Variants in PDSS2 observed in about 807,000 individuals in gnomAD.
PDSS2 encodes the protein decaprenyl diphosphate synthase subunit 2.
In PDSS2, 31 loss-of-function variants were observed where a neutral mutation model predicts 44.5. That is an observed-to-expected ratio of 0.70 (90% confidence interval 0.52 to 0.94). PDSS2 has a LOEUF of 0.94. PDSS2 is among the 40% of genes least tolerant of loss of function. PDSS2 has a pLI of 0.00. For missense variants in PDSS2, 452 were observed against 482.2 expected (o/e 0.94, Z 0.59); for synonymous variants, 157 against 180.3 (o/e 0.87, Z 1.03).
At chr6:107,384,675 A>C (rs761016914) in intron 1 of PDSS2, among the ~76,000 whole-genome samples, 51 of 151,842 alleles carry the variant, frequency 3.4e-4, no homozygotes, top group African/African-American at 7.2e-4. Context: ...AACAAAAAAA[A>C]CCCACTAAAC....
At chr6:107,245,418 C>CAAAA (rs35614951) in intron 4 of PDSS2, 130 bp downstream of exon 4, 6 of 120,342 alleles carry the variant, frequency 5.0e-5, no homozygotes, top group African/African-American at 2.2e-4. Flanking sequence ...AAACACTAAT[C>CAAAA]AAAAAAAAAA....
At chr6:107,280,217 GT>G (rs1255357765) in intron 2 of PDSS2, among the ~76,000 whole-genome samples, 3 of 152,028 alleles carry the variant, frequency 2.0e-5, no homozygotes, top group Non-Finnish European at 4.4e-5. Context: ...GCGCCATGAT[GT>G]CCAGCTAAGT....
At chr6:107,170,959 A>C (rs1771552798) in intron 7 of PDSS2, among the ~76,000 whole-genome samples, 1 of 152,146 alleles carries the variant, frequency 6.6e-6, no homozygotes, top group Admixed American at 6.5e-5. Flanking sequence ...TCTTTGCAAC[A>C]ATCAAATTAA....
chr6:107,378,972 A>G (rs1381917008), intron 1 of PDSS2, among the ~76,000 whole-genome samples: 1 of 152,144 alleles, frequency 6.6e-6, no homozygotes, highest in Non-Finnish European at 1.5e-5. Context: ...GGTAGTGTTT[A>G]TCAAGTTTCT....
At chr6:107,411,838 T>C (rs1439164675) in intron 1 of PDSS2, among the ~76,000 whole-genome samples, 1 of 150,706 alleles carries the variant, frequency 6.6e-6, no homozygotes, top group African/African-American at 2.4e-5. Flanking sequence ...CTAGAACCAA[T>C]CCCTCACTGA....
intron 1 of PDSS2, among the ~76,000 whole-genome samples, chr6:107,426,786 T>G (rs980588088): frequency 6.6e-6 from 1 of 152,186 alleles, no homozygotes; most frequent in Non-Finnish European, 1.5e-5. Flanking sequence ...TGGACTTGCA[T>G]GAGGCCTGTA....
At chr6:107,254,156 C>G (rs940268878) in intron 3 of PDSS2, among the ~76,000 whole-genome samples, 3 of 151,060 alleles carry the variant, frequency 2.0e-5, no homozygotes, top group Non-Finnish European at 4.4e-5. Flanking sequence ...GCCTCAGCCT[C>G]CTGAGTAGCT....
At chr6:107,237,333 T>G (rs1231279412) in intron 4 of PDSS2, among the ~76,000 whole-genome samples, 1 of 151,840 alleles carries the variant, frequency 6.6e-6, no homozygotes, top group African/African-American at 2.4e-5. Context: ...AACCTCCATC[T>G]CCCAGGTACA....
At chr6:107,369,978 C>T (rs560940358) in intron 1 of PDSS2, among the ~76,000 whole-genome samples, 1 of 151,004 alleles carries the variant, frequency 6.6e-6, no homozygotes, top group East Asian at 1.9e-4. Context: ...GCTTGGATGA[C>T]AGAGTAAGAT....
At chr6:107,169,901 T>C (rs1236610302) in intron 7 of PDSS2, among the ~76,000 whole-genome samples, 2 of 152,170 alleles carry the variant, frequency 1.3e-5, no homozygotes, top group Non-Finnish European at 2.9e-5. Flanking sequence ...GGGGGATGCC[T>C]CCCAGTTAGG....
chr6:107,363,553 G>A (rs781408511), intron 1 of PDSS2, among the ~76,000 whole-genome samples: 16 of 152,170 alleles, frequency 1.1e-4, no homozygotes, highest in Non-Finnish European at 7.4e-5. Context: ...GCACATCTTC[G>A]CAGTGAGTGT....
chr6:107,242,660 G>A (rs749749208), intron 4 of PDSS2, among the ~76,000 whole-genome samples: 3 of 152,078 alleles, frequency 2.0e-5, no homozygotes, highest in Non-Finnish European at 4.4e-5. Context: ...CTCCTGCCTC[G>A]CCTCAGCATC....
chr6:107,274,667 C>CTT (rs5878910), intron 2 of PDSS2, among the ~76,000 whole-genome samples: 31 of 106,552 alleles, frequency 2.9e-4, no homozygotes, highest in East Asian at 5.4e-4. Context: ...ATCTCTCTCT[C>CTT]TTTTTTTTTT....
rs550248430 is a variant in PDSS2 at position 107,364,325 on chromosome 6, C to T, written c.297-29993G>A. On this transcript the variant is annotated intron_variant, in intron 1 of 7. Coordinates refer to ENST00000369037, the MANE Select transcript of PDSS2 (RefSeq NM_020381.4). ...GCTGGTCGGGGAGGTTCGGGCCGCA[C>T]AGGAGCCCATGGAGTGGGTGGGAGG... Among the ~76,000 whole-genome samples, 4 of 152,282 alleles carry T rather than the reference C, an allele frequency of 2.6e-5. No individual in the cohort carries two copies. The South Asian group carries it at 6.2e-4, about 24-fold the overall frequency.
chr6:107,199,307 T>C (rs1014227845), intron 6 of PDSS2, among the ~76,000 whole-genome samples: 1 of 152,212 alleles, frequency 6.6e-6, no homozygotes, highest in Non-Finnish European at 1.5e-5. Context: ...GACTGTTTGA[T>C]TGGTTGATTA....
chr6:107,403,357 C>CTT, intron 1 of PDSS2, among the ~76,000 whole-genome samples: 1 of 152,250 alleles, frequency 6.6e-6, no homozygotes, highest in Admixed American at 6.5e-5. Context: ...AGAGGACAGC[C>CTT]TCCCTCCCAG....
intron 1 of PDSS2, among the ~76,000 whole-genome samples, chr6:107,393,089 G>A (rs566620239): frequency 1.3e-5 from 2 of 151,752 alleles, no homozygotes; most frequent in African/African-American, 4.8e-5. Context: ...TTTACATTAG[G>A]TTTAATTTGC....
intron 1 of PDSS2, among the ~76,000 whole-genome samples, chr6:107,455,740 G>A (rs1028124830): frequency 8.8e-6 from 1 of 113,652 alleles, no homozygotes; most frequent in Non-Finnish European, 1.6e-5. Context: ...TGGCGATAGA[G>A]CGAGACTCTG....
At chr6:107,325,620 G>C (rs907499466) in intron 2 of PDSS2, among the ~76,000 whole-genome samples, 1 of 151,944 alleles carries the variant, frequency 6.6e-6, no homozygotes, top group African/African-American at 2.4e-5. Flanking sequence ...CAGGATATTT[G>C]ATCTGGTCAA....
Sources: allele counts gnomAD v4.1 joint callset (sites outside exome capture counted in the v4.1 genomes callset), GRCh38; gene constraint gnomAD v4.1.1; transcripts MANE v1.5; gene names NCBI Gene and HGNC (gene_info 2026-07-23, HGNC 2026-07-21).